Variants in GOPC observed in about 807,000 individuals in gnomAD.
GOPC encodes the protein golgi associated PDZ and coiled-coil motif containing.
A neutral mutation model predicts 51.2 loss-of-function variants in GOPC; 32 were observed. That is an observed-to-expected ratio of 0.63 (90% CI 0.47 to 0.84). The LOEUF is 0.84. Among genes scored for constraint, GOPC ranks in the 40% least tolerant of loss-of-function variants. The probability of loss-of-function intolerance (pLI) is 0.00; values close to 1 mark genes in which losing one functional copy is unlikely to be tolerated. For synonymous variants in GOPC, 190 were observed against 205.1 expected (o/e 0.93, Z 0.63); for missense variants, 441 against 555.5 (o/e 0.79, Z 2.07).
chr6:117,570,401 C>T (rs1779787042), intron 6 of GOPC, among the ~76,000 whole-genome samples: 1 of 151,650 alleles, frequency 6.6e-6, no homozygotes, highest in South Asian at 2.1e-4. Context: ...ACTGAGATGA[C>T]AACAAAATGA....
Position 117,575,341 on chromosome 6 carries a change from A to G in GOPC, c.486T>C (p.Leu162=). The G allele has an allele frequency of 3.1e-6, 5 of 1,606,366 alleles. No homozygotes were observed. Among genetic ancestry groups the G allele is most frequent in the Non-Finnish European group, 3.4e-6 (4 of 1,175,980 alleles). Reference sequence around the variant, plus strand: ...TCATTTTTTCTTTTTTGTTTGCCTCAAGCTCTCTTTCCTATGTAATTTTTA... The same window carrying G: ...TCATTTTTTCTTTTTTGTTTGCCTCGAGCTCTCTTTCCTATGTAATTTTTA... ...GPSVEELERE[L]EANKKEKMKE... is the part of the protein sequence containing the mutation. Residue 162 remains leucine (L), a synonymous_variant, in exon 4 of 9, where the codon CTT becomes CTC. Transcript: ENST00000368498.
chr6:117,566,912 T>C lies in GOPC; in HGVS notation c.1200A>G (p.Gly400=). The change falls in exon 8 of 9, where the codon GGA becomes GGG. Residue 400 remains glycine (G), a synonymous_variant. Transcript: ENST00000368498. ...TGCAACTAGCACCAGGGTTACCACC[T>C]CCTTCTAACTCATCAAGGTACAAAC... ...RYRLYLDELE[G]GGNPGASCKD... The C allele has an allele frequency of 6.2e-7, 1 of 1,607,916 alleles. No homozygotes were observed. The highest frequency in any genetic ancestry group is 1.1e-5 in the South Asian group (1 of 89,822).
chr6:117,601,315 T>A (rs1040085134), intron 1 of GOPC, among the ~76,000 whole-genome samples: 6 of 152,168 alleles, frequency 3.9e-5, no homozygotes, highest in African/African-American at 1.4e-4. Context: ...AGCAAATGAT[T>A]CTTTACACTC....
intron 1 of GOPC, among the ~76,000 whole-genome samples, chr6:117,582,224 T>TTC (rs377690619): frequency 1.6e-4 from 23 of 148,140 alleles, no homozygotes; most frequent in African/African-American, 4.7e-4. Flanking sequence ...GGTTTGTAAG[T>TTC]TCTCTCTCTC....
At chr6:117,581,562 T>TTCTAACACC (rs1261833856) in intron 1 of GOPC, among the ~76,000 whole-genome samples, 8 of 152,160 alleles carry the variant, frequency 5.3e-5, no homozygotes, top group African/African-American at 1.9e-4. Context: ...ACCATCAGAG[T>TTCTAACACC]ATACACTGAC....
intron 1 of GOPC, among the ~76,000 whole-genome samples, chr6:117,585,528 C>A (rs1193101488): frequency 6.6e-6 from 1 of 152,120 alleles, no homozygotes; most frequent in Non-Finnish European, 1.5e-5. Context: ...CTTTATTTTA[C>A]ACATGAAGAA....
rs1353920010 is a variant in GOPC, at chr6:117,560,768, T to C, written c.*2486A>G. ...ATATATACACGCACACATACAACCC[T>C]CACATTTTATTAAAACGTTTTCTCA... On this transcript the variant is annotated 3_prime_UTR_variant, in exon 9 of 9. Coordinates refer to ENST00000368498, the MANE Select transcript of GOPC (RefSeq NM_020399.4). 2 of 208,868 alleles carry C rather than the reference T, an allele frequency of 9.6e-6. No individual in the cohort carries two copies. The highest frequency in any genetic ancestry group is 1.9e-5 in the Non-Finnish European group (2 of 102,628). The allele number at this position is 208,868 out of a possible 1,614,324, so 12.9% of individuals were successfully genotyped here.
intron 4 of GOPC, among the ~76,000 whole-genome samples, chr6:117,574,651 G>A (rs73766245): frequency 0.022 from 3,389 of 152,238 alleles, 136 homozygotes; most frequent in African/African-American, 0.078. Flanking sequence ...GTGTTTGTGT[G>A]TGTAAACTAA....
intron 1 of GOPC, among the ~76,000 whole-genome samples, chr6:117,596,289 A>G (rs996338252): frequency 2.0e-5 from 3 of 151,620 alleles, no homozygotes; most frequent in Admixed American, 1.3e-4. Context: ...TAGAGTCTGG[A>G]TATTAGTCCT....
At chr6:117,567,706 A>G (rs1779726115) in intron 7 of GOPC, among the ~76,000 whole-genome samples, 1 of 152,008 alleles carries the variant, frequency 6.6e-6, no homozygotes, top group Non-Finnish European at 1.5e-5. Flanking sequence ...GAATAATCCT[A>G]TTATAGTCTC....
chr6:117,568,874 T>A (rs1201032279), intron 7 of GOPC, among the ~76,000 whole-genome samples: 1 of 152,190 alleles, frequency 6.6e-6, no homozygotes, highest in East Asian at 1.9e-4. Context: ...CACTTTCAAC[T>A]CTGAGATGCA....
Position 117,602,389 on chromosome 6 carries a change from A to C in GOPC, c.-101T>G. 1 of 1,154,570 alleles carries C rather than the reference A, an allele frequency of 8.7e-7. No individual in the cohort carries two copies. Among genetic ancestry groups the C allele is most frequent in the Non-Finnish European group, 1.2e-6 (1 of 843,202 alleles). The allele number at this position is 1,154,570 out of a possible 1,614,324, so 71.5% of individuals were successfully genotyped here. On this transcript the variant is annotated 5_prime_UTR_variant, in exon 1 of 9. Transcript: ENST00000368498. The stretch of plus-strand genomic sequence containing the variant: ...AGGGGACCCCCGCGCGCGCGGGCAC[A>C]CTCCGTCACCTCCCTTCACCTCGCG...
At chr6:117,595,802 T>C (rs1279506633) in intron 1 of GOPC, among the ~76,000 whole-genome samples, 1 of 152,230 alleles carries the variant, frequency 6.6e-6, no homozygotes, top group East Asian at 1.9e-4. Context: ...CACTTATTGA[T>C]TGATGGGTAT....
Position 117,570,868 on chromosome 6 carries a change from A to G in GOPC, c.904T>C (p.Ser302Pro). Residue 302 changes from serine (S) to proline (P), a missense_variant, in exon 6 of 9, where the codon TCA (serine) becomes CCA (proline). By Grantham distance (74) the Ser-to-Pro change is moderately conservative. Transcript: ENST00000368498. ...GAAGTACTACTTCTTACTGTAATTG[A>G]AATGCCAAGGCCTTCATGATCTTCC... ...LKEDHEGLGISITGGKEHGVP... is the reference protein window; with the variant it reads ...LKEDHEGLGIPITGGKEHGVP... 6.5e-7 allele frequency: 1 copy of G among 1,540,068 alleles called. No homozygotes were observed. Among genetic ancestry groups the G allele is most frequent in the African/African-American group, 1.4e-5 (1 of 73,130 alleles).
chr6:117,585,322 T>A (rs568876033), intron 1 of GOPC, among the ~76,000 whole-genome samples: 1 of 152,338 alleles, frequency 6.6e-6, no homozygotes, highest in South Asian at 2.1e-4. Context: ...GTCTTATGGA[T>A]AAATACTCCA....
chr6:117,566,827 A>T, intron 8 of GOPC, 27 bp downstream of exon 8: 1 of 1,407,546 alleles, frequency 7.1e-7, no homozygotes, highest in South Asian at 1.5e-5. Context: ...TGAATATGTT[A>T]ATAATAATTT....
At chr6:117,597,635 G>A (rs1780220184) in intron 1 of GOPC, among the ~76,000 whole-genome samples, 1 of 152,104 alleles carries the variant, frequency 6.6e-6, no homozygotes, top group Admixed American at 6.6e-5. Flanking sequence ...GATATTCTCT[G>A]CTATTCCATT....
chr6:117,586,475 CTTTTTTTTTTT>C (rs869148559), intron 1 of GOPC, among the ~76,000 whole-genome samples: 3 of 91,930 alleles, frequency 3.3e-5, no homozygotes, highest in African/African-American at 8.1e-5. Flanking sequence ...CACAGAGATT[CTTTTTTTTTTT>C]TTTTTTTTTT....
At chr6:117,573,777 G>C (rs1779840494) in intron 4 of GOPC, 145 bp from the exon 5 acceptor site, 2 of 572,266 alleles carry the variant, frequency 3.5e-6, no homozygotes, top group Non-Finnish European at 2.9e-6. Context: ...ATGTCTCTCA[G>C]ATATAAAAAA....
Sources: allele counts gnomAD v4.1 joint callset (sites outside exome capture counted in the v4.1 genomes callset), GRCh38; gene constraint gnomAD v4.1.1; transcripts MANE v1.5; gene names NCBI Gene and HGNC (gene_info 2026-07-23, HGNC 2026-07-21).